FBXL7: variants seen among roughly 807,000 people sequenced by gnomAD.
FBXL7 encodes F-box and leucine rich repeat protein 7.
FBXL7 carries 12 observed loss-of-function variants against 38.3 expected under a neutral mutation model. That is an observed-to-expected ratio of 0.31 (90% CI 0.20 to 0.51). The LOEUF is 0.51. Among genes scored for constraint, FBXL7 ranks in the 20% least tolerant of loss-of-function variants. The probability of loss-of-function intolerance (pLI) is 0.98; values close to 1 mark genes in which losing one functional copy is unlikely to be tolerated. For missense variants in FBXL7, 567 were observed against 676.4 expected (o/e 0.84, Z 1.79); for synonymous variants, 297 against 300.9 (o/e 0.99, Z 0.13).
At chr5:15,864,086 A>G (rs1739601493) in intron 2 of FBXL7, among the ~76,000 whole-genome samples, 1 of 152,130 alleles carries the variant, frequency 6.6e-6, no homozygotes, top group Non-Finnish European at 1.5e-5. Flanking sequence ...AAATCACTTA[A>G]CATGAGTGTC....
rs372207795 is a variant in FBXL7 at position 15,577,584 on chromosome 5, G to A, written c.38-38399G>A. Among the ~76,000 whole-genome samples the A allele has an allele frequency of 2.6e-3, 372 of 145,840 alleles. 1 individual carries two copies. The highest frequency in any genetic ancestry group is 3.9e-3 in the Non-Finnish European group (263 of 67,196). On this transcript the variant is annotated intron_variant, in intron 1 of 3. Coordinates refer to ENST00000504595, the MANE Select transcript of FBXL7 (RefSeq NM_012304.5). Reference sequence around the variant, plus strand: ...GATTCCTATAATGAATCATTACTATGTAATGCATTTTGTGTGTGTGTGTGT... The same window carrying A: ...GATTCCTATAATGAATCATTACTATATAATGCATTTTGTGTGTGTGTGTGT...
chr5:15,757,729 C>A (rs937235165), intron 2 of FBXL7, among the ~76,000 whole-genome samples: 1 of 151,998 alleles, frequency 6.6e-6, no homozygotes, highest in Admixed American at 6.6e-5. Flanking sequence ...TTTCCATGAC[C>A]GTTCTTTTGA....
chr5:15,716,587 C>T (rs530292170), intron 2 of FBXL7, among the ~76,000 whole-genome samples: 1 of 152,266 alleles, frequency 6.6e-6, no homozygotes, highest in Non-Finnish European at 1.5e-5. Context: ...GCAACTTCTC[C>T]TAACATCTTT....
chr5:15,799,742 A>C (rs1314079248), intron 2 of FBXL7, among the ~76,000 whole-genome samples: 1 of 152,144 alleles, frequency 6.6e-6, no homozygotes, highest in Non-Finnish European at 1.5e-5. Flanking sequence ...TGTTCAGTAC[A>C]TCATCACAGA....
chr5:15,672,914 T>C (rs1742528864), intron 2 of FBXL7, among the ~76,000 whole-genome samples: 1 of 152,200 alleles, frequency 6.6e-6, no homozygotes, highest in South Asian at 2.1e-4. Flanking sequence ...TTTTCTTCTC[T>C]TTTGCAAAAT....
At chr5:15,699,074 T>C (rs1743438476) in intron 2 of FBXL7, among the ~76,000 whole-genome samples, 1 of 152,194 alleles carries the variant, frequency 6.6e-6, no homozygotes, top group Admixed American at 6.5e-5. Flanking sequence ...ATTTTGATCA[T>C]CACACAACAA....
rs1409444441 is a variant in FBXL7, at chr5:15,939,566, T to C, written c.*2380T>C. The C allele has an allele frequency of 6.6e-6, 1 of 152,540 alleles. No individual in the cohort carries two copies. The highest frequency in any genetic ancestry group is 1.5e-5 in the Non-Finnish European group (1 of 68,170). 9.4% of individuals were successfully genotyped at this position (152,540 alleles called of 1,614,324 possible). The stretch of plus-strand genomic sequence containing the variant: ...TGTTCTCCCTTGGGGTGGGAATCTA[T>C]GATGGAGGTTACTGGGGAAACAGCT... On this transcript the variant is annotated 3_prime_UTR_variant, in exon 4 of 4. Coordinates refer to ENST00000504595, the MANE Select transcript of FBXL7 (RefSeq NM_012304.5).
chr5:15,502,535 C>T (rs1736524882), intron 1 of FBXL7, among the ~76,000 whole-genome samples: 1 of 152,172 alleles, frequency 6.6e-6, no homozygotes, highest in South Asian at 2.1e-4. Context: ...TTGTGCTCAG[C>T]TGATTCAAGA....
intron 2 of FBXL7, among the ~76,000 whole-genome samples, chr5:15,824,621 C>T (rs765615836): frequency 1.3e-5 from 2 of 152,066 alleles, no homozygotes; most frequent in South Asian, 2.1e-4. Flanking sequence ...GGAAAACATA[C>T]CTTCTGTTTA....
chr5:15,604,038 A>T (rs896932646), intron 1 of FBXL7, among the ~76,000 whole-genome samples: 1 of 152,134 alleles, frequency 6.6e-6, no homozygotes. Context: ...CAGGAGGATG[A>T]GGCACAAGAA....
At chr5:15,821,843 G>C (rs371710017) in intron 2 of FBXL7, among the ~76,000 whole-genome samples, 2 of 152,224 alleles carry the variant, frequency 1.3e-5, no homozygotes, top group East Asian at 3.9e-4. Context: ...ACATCTCCAA[G>C]GTCCTCATTT....
At chr5:15,636,712 AT>A in intron 2 of FBXL7, among the ~76,000 whole-genome samples, 1 of 143,194 alleles carries the variant, frequency 7.0e-6, no homozygotes, top group Non-Finnish European at 1.5e-5. Context: ...GTGGTCGCTG[AT>A]TATTTATGTT....
Position 15,844,710 on chromosome 5 carries a change from C to A in FBXL7, c.128-83180C>A, listed in dbSNP as rs142824214. On this transcript the variant is annotated intron_variant, in intron 2 of 3. Transcript: ENST00000504595. ...GGTGGGAGTGTGAGAGAAAACCCAA[C>A]ACTATGAAGGGAGTGTCTACCTTAG... Among the ~76,000 whole-genome samples, 438 of 152,224 alleles carry A rather than the reference C, an allele frequency of 2.9e-3. 2 individuals carry two copies. The highest frequency in any genetic ancestry group is 4.8e-3 in the South Asian group (23 of 4,822).
At chr5:15,538,575 C>T (rs199561291) in intron 1 of FBXL7, among the ~76,000 whole-genome samples, 2 of 152,322 alleles carry the variant, frequency 1.3e-5, no homozygotes, top group East Asian at 3.9e-4. Flanking sequence ...TTTAAGTTGA[C>T]ATTGGAAATC....
At chr5:15,791,904 C>CA (rs1270781408) in intron 2 of FBXL7, among the ~76,000 whole-genome samples, 8 of 152,120 alleles carry the variant, frequency 5.3e-5, no homozygotes, top group African/African-American at 1.9e-4. Flanking sequence ...AAACAGGGTA[C>CA]AGAAGGTTCC....
At chr5:15,684,825 C>T (rs1024568548) in intron 2 of FBXL7, among the ~76,000 whole-genome samples, 1 of 152,226 alleles carries the variant, frequency 6.6e-6, no homozygotes, top group Non-Finnish European at 1.5e-5. Flanking sequence ...AATGGATTCT[C>T]TGCTAGAGCC....
At position 15,528,077 on chromosome 5, in the gene FBXL7, C is replaced by T. The variant is rs533147516; in HGVS notation, c.37+27364C>T. Among the ~76,000 whole-genome samples the T allele has an allele frequency of 3.2e-4, 48 of 152,108 alleles. 1 individual carries two copies. The highest frequency in any genetic ancestry group is 1.3e-3 in the Admixed American group (20 of 15,270). ...ATGCATTTCCAGTTTCTACTTGGTT[C>T]CTTCTTCGAGTAAATGTTTCCCTTT... On this transcript the variant is annotated intron_variant, in intron 1 of 3. Coordinates refer to ENST00000504595, the MANE Select transcript of FBXL7 (RefSeq NM_012304.5).
At chr5:15,602,627 G>C (rs891507591) in intron 1 of FBXL7, among the ~76,000 whole-genome samples, 1 of 151,962 alleles carries the variant, frequency 6.6e-6, no homozygotes, top group African/African-American at 2.4e-5. Flanking sequence ...AAAAGCAGTC[G>C]TACTAAACAA....
At chr5:15,722,603 A>G (rs1218205385) in intron 2 of FBXL7, among the ~76,000 whole-genome samples, 1 of 152,178 alleles carries the variant, frequency 6.6e-6, no homozygotes, top group East Asian at 1.9e-4. Context: ...GGAGAAATTC[A>G]TAGAAATGTT....
Sources: gnomAD v4.1 joint callset for allele counts (sites outside exome capture counted in the v4.1 genomes callset) on GRCh38, gnomAD v4.1.1 for gene constraint, MANE v1.5 for transcripts, NCBI Gene and HGNC (gene_info 2026-07-23, HGNC 2026-07-21) for gene names.